Variants in THADA observed in about 807,000 individuals in gnomAD.
THADA encodes the protein tRNA (32-2'-O)-methyltransferase regulator THADA.
Under a neutral mutation model 219.8 loss-of-function variants are expected in THADA, and 213 were observed. The observed-to-expected ratio is 0.97, with a 90% CI of 0.87 to 1.09. THADA has a LOEUF of 1.09. THADA is among the 50% of genes least tolerant of loss of function. The pLI is 0.00. For synonymous variants in THADA, 1,018 were observed against 828.9 expected (o/e 1.23, Z -3.92); for missense variants, 2,956 against 2,311.3 (o/e 1.28, Z -5.72).
At chr2:43,457,140 AC>A (rs1683106360) in intron 26 of THADA, among the ~76,000 whole-genome samples, 2 of 52,894 alleles carry the variant, frequency 3.8e-5, no homozygotes, top group African/African-American at 1.9e-4. Context: ...ATCTACACAC[AC>A]ACACACACAC....
At position 43,541,274 on chromosome 2, in the gene THADA, A is replaced by G. The variant is rs756266909; in HGVS notation, c.3149T>C (p.Leu1050Pro). ...CTTCATACTTCTCCAACAACATACC[A>G]GCACCATCTGCGCAGTTACATCACA... The part of the protein sequence containing the change: ...KTCDVTAQMV[L>P]VCCWRSMKEV... The change falls in exon 21 of 38, where the codon CTG (leucine) becomes CCG (proline). Residue 1050 changes from leucine (L) to proline (P), a missense_variant. Coordinates refer to ENST00000405975, the MANE Select transcript of THADA (RefSeq NM_022065.5). 6 of 1,613,470 alleles carry G rather than the reference A, an allele frequency of 3.7e-6. No individual in the cohort carries two copies. Among genetic ancestry groups the G allele is most frequent in the Non-Finnish European group, 5.1e-6 (6 of 1,179,670 alleles).
At chr2:43,542,709 T>C (rs140643859) in intron 20 of THADA, among the ~76,000 whole-genome samples, 13 of 152,292 alleles carry the variant, frequency 8.5e-5, no homozygotes, top group Admixed American at 3.3e-4. Context: ...CTGGGAGAAG[T>C]TGATTGCTGC....
At chr2:43,553,907 T>C (rs1443009345) in intron 17 of THADA, among the ~76,000 whole-genome samples, 1 of 152,222 alleles carries the variant, frequency 6.6e-6, no homozygotes, top group Admixed American at 6.5e-5. Flanking sequence ...ATTGTTCATG[T>C]GTATATCTTC....
intron 36 of THADA, among the ~76,000 whole-genome samples, chr2:43,260,357 T>A (rs990046841): frequency 1.3e-5 from 2 of 152,250 alleles, no homozygotes; most frequent in Non-Finnish European, 2.9e-5. Flanking sequence ...CCTGTTCACA[T>A]CTTTTTTCTT....
At chr2:43,519,160 T>C (rs543766227) in intron 22 of THADA, among the ~76,000 whole-genome samples, 1 of 152,176 alleles carries the variant, frequency 6.6e-6, no homozygotes, top group African/African-American at 2.4e-5. Flanking sequence ...CTTACTTATC[T>C]AATCCCAAAG....
intron 29 of THADA, among the ~76,000 whole-genome samples, chr2:43,357,210 G>A (rs1429515864): frequency 6.6e-6 from 1 of 152,048 alleles, no homozygotes; most frequent in Non-Finnish European, 1.5e-5. Flanking sequence ...TTTCATTAGT[G>A]TTTGATGAAG....
rs1421539785 is a variant in THADA, at chr2:43,514,645, A to AAT, written c.3375-5867_3375-5866dup. Among the ~76,000 whole-genome samples the AAT allele has an allele frequency of 6.2e-5, 6 of 97,298 alleles. No homozygotes were observed. The South Asian group carries it at 8.2e-4, about 13-fold the overall frequency. 63.8% of individuals were successfully genotyped at this position (97,298 alleles called of 152,430 possible). ...TTATATATATGTATATTTTATATAT[A>AAT]ATATATATATTGTATATAATAATAT... On this transcript the variant is annotated intron_variant, in intron 22 of 37. Coordinates refer to ENST00000405975, the MANE Select transcript of THADA (RefSeq NM_022065.5).
chr2:43,291,100 G>A (rs947579939), intron 34 of THADA, among the ~76,000 whole-genome samples: 3 of 151,832 alleles, frequency 2.0e-5, no homozygotes. Flanking sequence ...AAGGGGTTTG[G>A]GCATATGTGT....
chr2:43,494,818 T>A (rs1688068594), intron 25 of THADA, among the ~76,000 whole-genome samples: 1 of 152,224 alleles, frequency 6.6e-6, no homozygotes, highest in Non-Finnish European at 1.5e-5. Context: ...ATTTTAAGAA[T>A]GCCTACTAGG....
chr2:43,512,209 C>A (rs1295177161), intron 22 of THADA, among the ~76,000 whole-genome samples: 1 of 152,216 alleles, frequency 6.6e-6, no homozygotes, highest in Non-Finnish European at 1.5e-5. Context: ...AAGGCACCAG[C>A]TCCTACCATC....
rs563978578 is a variant in THADA, at chr2:43,573,028, T to C, written c.1730-36A>G. 7 of 1,525,020 alleles carry C rather than the reference T, an allele frequency of 4.6e-6. No individual in the cohort carries two copies. In the East Asian group the frequency reaches 9.3e-5, roughly 20 times the overall value. 94.5% of individuals were successfully genotyped at this position (1,525,020 alleles called of 1,614,324 possible). On this transcript the variant is annotated intron_variant, in intron 11 of 37. Transcript: ENST00000405975. ...AATAACAAAGACCATTACTGTATTA[T>C]GCAATGACTACTATAATTATCAGCT...
chr2:43,339,867 G>A (rs1666881815), intron 30 of THADA, among the ~76,000 whole-genome samples: 1 of 152,062 alleles, frequency 6.6e-6, no homozygotes. Context: ...ACTCTGGTGG[G>A]AGGACTGCTT....
At chr2:43,397,041 T>C (rs887386859) in intron 29 of THADA, among the ~76,000 whole-genome samples, 3 of 152,196 alleles carry the variant, frequency 2.0e-5, no homozygotes, top group Admixed American at 1.3e-4. Context: ...ATGAGGTATA[T>C]GCTACTATTA....
intron 21 of THADA, among the ~76,000 whole-genome samples, chr2:43,530,486 G>A (rs1006224276): frequency 6.6e-6 from 1 of 152,158 alleles, no homozygotes; most frequent in East Asian, 1.9e-4. Flanking sequence ...CCACCAGTTA[G>A]CTTATTTGTA....
Position 43,344,108 on chromosome 2 carries a change from G to A in THADA, c.4343+14C>T. 1 of 1,577,334 alleles carries A rather than the reference G, an allele frequency of 6.3e-7. No homozygotes were observed. The highest frequency in any genetic ancestry group is 8.7e-7 in the Non-Finnish European group (1 of 1,152,662). On this transcript the variant is annotated intron_variant, in intron 30 of 37. Coordinates refer to ENST00000405975, the MANE Select transcript of THADA (RefSeq NM_022065.5). The stretch of plus-strand genomic sequence containing the variant: ...CCCCTGATAACTCCTTGCTCATGTG[G>A]GATTTTAACATACCTCTTGGCCAGC...
chr2:43,349,984 G>A (rs1001439555), intron 29 of THADA, among the ~76,000 whole-genome samples: 7 of 152,084 alleles, frequency 4.6e-5, no homozygotes, highest in African/African-American at 1.4e-4. Context: ...ATTTTCCTTA[G>A]TGTTTACACA....
chr2:43,317,882 A>G (rs1678254938), intron 31 of THADA, among the ~76,000 whole-genome samples: 1 of 152,224 alleles, frequency 6.6e-6, no homozygotes, highest in South Asian at 2.1e-4. Flanking sequence ...AAACAGCCAC[A>G]TTCTTCATCA....
At position 43,357,589 on chromosome 2, in the gene THADA, C is replaced by G. The variant is rs570836901; in HGVS notation, c.4228-13352G>C. On this transcript the variant is annotated intron_variant, in intron 29 of 37. Coordinates refer to ENST00000405975, the MANE Select transcript of THADA (RefSeq NM_022065.5). ...TGCTCAAGGATCATCTTCAGCAGCA[C>G]TGGTTGTATGGAATAGGAAAGTTTA... is the stretch of plus-strand genomic sequence containing the variant. Among the ~76,000 whole-genome samples, 202 of 149,658 alleles carry G rather than the reference C, an allele frequency of 1.3e-3. 1 individual carries two copies. The South Asian group carries it at 0.018, about 13-fold the overall frequency.
At chr2:43,431,614 C>T (rs1229203391) in intron 26 of THADA, among the ~76,000 whole-genome samples, 6 of 146,144 alleles carry the variant, frequency 4.1e-5, no homozygotes, top group African/African-American at 1.3e-4. Context: ...TACAGGCGCC[C>T]GCCACCACGC....
Sources: allele counts gnomAD v4.1 joint callset (sites outside exome capture counted in the v4.1 genomes callset), GRCh38; gene constraint gnomAD v4.1.1; transcripts MANE v1.5; gene names NCBI Gene and HGNC (gene_info 2026-07-23, HGNC 2026-07-21).